Variants in TG observed in about 807,000 individuals in gnomAD.
The protein encoded by TG is thyroglobulin.
In TG, 270 loss-of-function variants were observed where a neutral mutation model predicts 324.7. The ratio of observed to expected loss-of-function variants is 0.83; its 90% CI spans 0.75 to 0.92. TG has a LOEUF of 0.92. Among genes scored for constraint, TG ranks in the 40% least tolerant of loss-of-function variants. The probability of loss-of-function intolerance (pLI) is 0.00; values close to 1 mark genes in which losing one functional copy is unlikely to be tolerated. For missense variants in TG, 3,591 were observed against 3,456.4 expected, an observed-to-expected ratio of 1.04 and a Z score of -0.98; for synonymous variants, 1,401 against 1,327.0, an observed-to-expected ratio of 1.06 and a Z score of -1.21.
chr8:133,063,734 T>G (rs1348984082), intron 41 of TG: 1 of 152,212 alleles, frequency 6.6e-6, no homozygotes, highest in African/African-American at 2.4e-5. Context: ...CCGGGCTATA[T>G]GACCACCAAA....
In TG at chr8:133,040,225, G is replaced by A. The variant is rs113215755; in HGVS notation, c.7239+10202G>A. 2,932 of 1,378,634 alleles carry A rather than the reference G, an allele frequency of 2.1e-3. 31 individuals carry two copies. Among genetic ancestry groups the A allele is most frequent in the African/African-American group, 0.019 (1,297 of 69,672 alleles). The allele number at this position is 1,378,634 out of a possible 1,614,324, so 85.4% of individuals were successfully genotyped here. On this transcript the variant is annotated intron_variant, in intron 41 of 47. Coordinates refer to ENST00000220616, the MANE Select transcript of TG (RefSeq NM_003235.5). ...AGACACTCTCCAGTGCAGCTCCCTGGCTGCTGCCATGGGGAACTGGGCCTG... is the reference window on the plus strand; with the variant it reads ...AGACACTCTCCAGTGCAGCTCCCTGACTGCTGCCATGGGGAACTGGGCCTG...
chr8:132,899,471 C>T (rs140662300), intron 14 of TG, among the ~76,000 whole-genome samples: 30 of 152,318 alleles, frequency 2.0e-4, no homozygotes, highest in African/African-American at 6.3e-4. Flanking sequence ...ATGGTAGGAA[C>T]ACCACCACCC....
chr8:132,867,197 T>A, intron 1 of TG, 130 bp downstream of exon 1: 1 of 805,370 alleles, frequency 1.2e-6, no homozygotes, highest in Non-Finnish European at 2.0e-6. Context: ...GTGATTTGCT[T>A]TTTTTTTTTC....
chr8:132,913,615 C>T (rs1407168294), intron 20 of TG, among the ~76,000 whole-genome samples: 4 of 152,136 alleles, frequency 2.6e-5, no homozygotes, highest in Non-Finnish European at 5.9e-5. Context: ...CCACAATTTC[C>T]AAATGGTCAT....
chr8:132,976,317 A>G (rs890309587), intron 34 of TG, among the ~76,000 whole-genome samples: 2 of 152,208 alleles, frequency 1.3e-5, no homozygotes, highest in African/African-American at 4.8e-5. Context: ...CCATGGGGAA[A>G]GGTAGAAGAG....
At chr8:133,017,248 G>T (rs1835118900) in intron 37 of TG, among the ~76,000 whole-genome samples, 1 of 150,990 alleles carries the variant, frequency 6.6e-6, no homozygotes. Context: ...AAACCCAAAA[G>T]TCCTAAAAGT....
At chr8:132,999,737 A>C (rs1267052451) in intron 35 of TG, among the ~76,000 whole-genome samples, 1 of 152,232 alleles carries the variant, frequency 6.6e-6, no homozygotes, top group Non-Finnish European at 1.5e-5. Context: ...TACAATATTT[A>C]CTACCTGGCT....
chr8:133,042,424 A>C (rs576552286), intron 41 of TG, among the ~76,000 whole-genome samples: 1 of 151,642 alleles, frequency 6.6e-6, no homozygotes, highest in South Asian at 2.1e-4. Flanking sequence ...TGCCCCATGC[A>C]CTCTGTTCTC....
chr8:133,018,071 C>T, intron 38 of TG, 74 bp downstream of exon 38: 1 of 1,440,420 alleles, frequency 6.9e-7, no homozygotes, highest in Non-Finnish European at 9.6e-7. Flanking sequence ...CCAAATGGGA[C>T]TCAGTAGCAG....
intron 27 of TG, 128 bp downstream of exon 27, chr8:132,949,071 T>C (rs1417521661): frequency 1.2e-6 from 1 of 828,658 alleles, no homozygotes. Flanking sequence ...AAAAAAAAAC[T>C]TTACCAATCA....
intron 34 of TG, among the ~76,000 whole-genome samples, chr8:132,982,424 A>G (rs1830991887): frequency 6.6e-6 from 1 of 152,246 alleles, no homozygotes; most frequent in East Asian, 1.9e-4. Flanking sequence ...AAAAAGGGGA[A>G]GAAGATAATT....
chr8:133,124,667 G>T (rs1301938679), intron 45 of TG, among the ~76,000 whole-genome samples: 1 of 152,150 alleles, frequency 6.6e-6, no homozygotes, highest in Admixed American at 6.5e-5. Flanking sequence ...GGTAGCTAGG[G>T]TTATTTTCCT....
chr8:133,132,589 T>C (rs998638993), intron 46 of TG, among the ~76,000 whole-genome samples: 35 of 152,196 alleles, frequency 2.3e-4, no homozygotes, highest in Non-Finnish European at 3.4e-4. Context: ...CTTTTATCTT[T>C]TTGCCTGATG....
intron 27 of TG, among the ~76,000 whole-genome samples, chr8:132,951,872 TGA>T (rs1826155661): frequency 2.0e-5 from 3 of 152,138 alleles, no homozygotes. Context: ...CGTGAAGAAC[TGA>T]TAGATACCCT....
At chr8:133,049,189 G>A in intron 41 of TG, 1 of 456,112 alleles carries the variant, frequency 2.2e-6, no homozygotes, top group South Asian at 1.5e-5. Context: ...AACGACTACA[G>A]GGGAAAGCAG....
At chr8:133,057,046 G>A (rs1041015251) in intron 41 of TG, among the ~76,000 whole-genome samples, 47 of 152,288 alleles carry the variant, frequency 3.1e-4, no homozygotes, top group Admixed American at 1.3e-3. Context: ...TGCAAGCTGG[G>A]TTTGAGAGGT....
At chr8:133,047,912 G>T in intron 41 of TG, 1 of 1,610,632 alleles carries the variant, frequency 6.2e-7, no homozygotes, top group East Asian at 2.2e-5. Flanking sequence ...CCTTGTCTCT[G>T]CCCAGGCCCT....
chr8:132,882,705 A>G, intron 7 of TG, 93 bp downstream of exon 7: 1 of 1,612,028 alleles, frequency 6.2e-7, no homozygotes, highest in Non-Finnish European at 8.5e-7. Flanking sequence ...CTGCTCCACC[A>G]AAGTGAGGGC....
chr8:132,908,980 G>C (rs1819103541), intron 18 of TG, among the ~76,000 whole-genome samples: 1 of 152,222 alleles, frequency 6.6e-6, no homozygotes, highest in Non-Finnish European at 1.5e-5. Context: ...ATAAAATTGA[G>C]GGAACCGGTA....
Sources: allele counts gnomAD v4.1 joint callset (sites outside exome capture counted in the v4.1 genomes callset), GRCh38; gene constraint gnomAD v4.1.1; transcripts MANE v1.5; gene names NCBI Gene and HGNC (gene_info 2026-07-23, HGNC 2026-07-21).